The following SPATA6L variants were observed in gnomAD, a reference collection of about 807,000 sequenced individuals.
SPATA6L encodes the protein spermatogenesis associated 6-like protein.
A neutral mutation model predicts 49.2 loss-of-function variants in SPATA6L; 68 were observed. The observed-to-expected ratio is 1.38, with a 90% confidence interval of 1.14 to 1.69. The LOEUF is 1.69. Among genes scored for constraint, SPATA6L ranks in the 40% most tolerant of loss-of-function variants. SPATA6L has a pLI of 0.00. For missense variants in SPATA6L, 668 were observed against 464.3 expected, an observed-to-expected ratio of 1.44 and a Z score of -4.03; for synonymous variants, 198 against 165.7, an observed-to-expected ratio of 1.19 and a Z score of -1.50.
At chr9:4,648,128 C>A (rs1431928159) in intron 3 of SPATA6L, among the ~76,000 whole-genome samples, 4 of 152,098 alleles carry the variant, frequency 2.6e-5, no homozygotes, top group African/African-American at 9.7e-5. Context: ...AGCCACTGTG[C>A]CCAGCCATGA....
chr9:4,636,763 G>A (rs114190241), intron 3 of SPATA6L, among the ~76,000 whole-genome samples: 1,531 of 152,202 alleles, frequency 0.01, 26 homozygotes, highest in African/African-American at 0.034. Flanking sequence ...CAGTTCTACC[G>A]AGGAAAGAAT....
intron 3 of SPATA6L, among the ~76,000 whole-genome samples, chr9:4,647,834 A>AG (rs367927683): frequency 1.3e-4 from 11 of 83,918 alleles, no homozygotes; most frequent in South Asian, 3.3e-4. Context: ...AAAACATTTT[A>AG]GTTTTTTTTT....
intron 1 of SPATA6L, chr9:4,663,159 G>A (rs760798628): frequency 1.2e-6 from 2 of 1,614,150 alleles, no homozygotes; most frequent in Admixed American, 1.7e-5. Flanking sequence ...CACCGACGTA[G>A]CTTTTGGCTT....
intron 13 of SPATA6L, among the ~76,000 whole-genome samples, chr9:4,590,803 G>A (rs947609725): frequency 6.6e-6 from 1 of 152,172 alleles, no homozygotes; most frequent in Non-Finnish European, 1.5e-5. Flanking sequence ...CAACTAAACT[G>A]AGCAGTAGTG....
chr9:4,609,299 G>A (rs904983171), intron 9 of SPATA6L, among the ~76,000 whole-genome samples: 1 of 151,624 alleles, frequency 6.6e-6, no homozygotes, highest in Non-Finnish European at 1.5e-5. Context: ...CATTTTATGA[G>A]GCCAGCATCA....
rs576573079 is a variant in SPATA6L at position 4,635,351 on chromosome 9, A to T, written c.275T>A (p.Phe92Tyr). 11 of 1,589,824 alleles carry T rather than the reference A, an allele frequency of 6.9e-6. No individual in the cohort carries two copies. In the East Asian group the frequency reaches 2.4e-4, roughly 34 times the overall value. ...CGAAGGTGTCAGCTTGGGCTCTGGG[A>T]AAAGAAAATCTCGTGTGTTTTCTTC... ...YYEENTRDFL[F>Y]PEPKLTPSHP... is the part of the protein sequence containing the mutation. The change falls in exon 4 of 12, where the codon TTC becomes TAC. Residue 92 changes from phenylalanine (F) to tyrosine (Y), a missense_variant. Physicochemically the swap from Phe to Tyr is conservative, Grantham distance 22 (BLOSUM62 3). Coordinates refer to ENST00000682582, the MANE Select transcript of SPATA6L (RefSeq NM_001353486.2).
At chr9:4,665,940 G>A (rs936608223) in intron 1 of SPATA6L, among the ~76,000 whole-genome samples, 13 of 151,802 alleles carry the variant, frequency 8.6e-5, no homozygotes, top group Non-Finnish European at 1.5e-4. Context: ...ATGCAGGGTT[G>A]TTTGAAAAGA....
chr9:4,660,858 A>G (rs1418284431), intron 2 of SPATA6L, among the ~76,000 whole-genome samples: 1 of 152,260 alleles, frequency 6.6e-6, no homozygotes, highest in African/African-American at 2.4e-5. Flanking sequence ...GCCATAAAAA[A>G]GGATGAGTTC....
intron 13 of SPATA6L, among the ~76,000 whole-genome samples, chr9:4,593,110 C>G (rs1048644756): frequency 6.6e-5 from 10 of 152,132 alleles, no homozygotes; most frequent in South Asian, 2.1e-4. Flanking sequence ...GTACTTTGCC[C>G]AAGTTCACAG....
rs1409832784 is a variant in SPATA6L, at chr9:4,645,586, C to T, written c.227-10187G>A. On this transcript the variant is annotated intron_variant, in intron 3 of 11. Coordinates refer to ENST00000682582, the MANE Select transcript of SPATA6L (RefSeq NM_001353486.2). ...CACGATAACCCATCAGTACATTAAT[C>T]CATGAATAGATTAACCCATTCACAA... Among the ~76,000 whole-genome samples, 8 of 152,250 alleles carry T rather than the reference C, an allele frequency of 5.3e-5. 1 individual carries two copies. The East Asian group carries it at 1.3e-3, about 26-fold the overall frequency.
chr9:4,659,991 A>C (rs1173889436), intron 2 of SPATA6L, among the ~76,000 whole-genome samples: 1 of 152,246 alleles, frequency 6.6e-6, no homozygotes, highest in Non-Finnish European at 1.5e-5. Flanking sequence ...AGAAAGCTGA[A>C]ACTGGATCCT....
intron 3 of SPATA6L, among the ~76,000 whole-genome samples, chr9:4,652,814 C>T (rs1449860645): frequency 7.0e-6 from 1 of 142,538 alleles, no homozygotes; most frequent in Admixed American, 7.3e-5. Flanking sequence ...GCACTCCAGC[C>T]TAGGCAACAA....
chr9:4,599,309 T>C lies in SPATA6L; in HGVS notation c.*1502A>G, dbSNP rs558759033. Among the ~76,000 whole-genome samples, 2 of 152,250 alleles carry C rather than the reference T, an allele frequency of 1.3e-5. No individual in the cohort carries two copies. Among genetic ancestry groups the C allele is most frequent in the African/African-American group, 4.8e-5 (2 of 41,468 alleles). On this transcript the variant is annotated 3_prime_UTR_variant, in exon 12 of 12. Transcript: ENST00000682582. ...GGTTCAACTTGGATATACCTTTATT[T>C]GGCTGAAATTCTAAGAAGAGGATAA... is the stretch of plus-strand genomic sequence containing the variant.
chr9:4,655,556 T>G (rs76989416), intron 3 of SPATA6L, among the ~76,000 whole-genome samples: 2,874 of 127,228 alleles, frequency 0.023, 92 homozygotes, highest in African/African-American at 0.1. Flanking sequence ...TTTTTTGTTG[T>G]TTTTTTTTTT....
intron 6 of SPATA6L, among the ~76,000 whole-genome samples, chr9:4,624,037 A>G (rs886238917): frequency 6.6e-6 from 1 of 152,230 alleles, no homozygotes; most frequent in African/African-American, 2.4e-5. Flanking sequence ...TTATCTCAAC[A>G]GCACCTTCAC....
intron 2 of SPATA6L, among the ~76,000 whole-genome samples, chr9:4,659,020 G>C (rs73395749): frequency 0.049 from 7,408 of 151,528 alleles, 393 homozygotes; most frequent in African/African-American, 0.12. Context: ...AAAATTATTG[G>C]GATGGGGGAA....
intron 9 of SPATA6L, among the ~76,000 whole-genome samples, chr9:4,606,823 G>T (rs1388331004): frequency 4.7e-5 from 7 of 148,224 alleles, no homozygotes; most frequent in East Asian, 3.9e-4. Flanking sequence ...AGAGAAGAAG[G>T]CTTCAGACGA....
chr9:4,644,756 A>G (rs1834965148), intron 3 of SPATA6L, among the ~76,000 whole-genome samples: 1 of 151,864 alleles, frequency 6.6e-6, no homozygotes, highest in Non-Finnish European at 1.5e-5. Flanking sequence ...ATCACCAGAT[A>G]GCTATACTGA....
chr9:4,608,758 A>C (rs1825941977), intron 9 of SPATA6L, among the ~76,000 whole-genome samples: 1 of 151,876 alleles, frequency 6.6e-6, no homozygotes, highest in Non-Finnish European at 1.5e-5. Flanking sequence ...GAGCAAACAC[A>C]TCCAAAAGCT....
Sources: allele counts gnomAD v4.1 joint callset (sites outside exome capture counted in the v4.1 genomes callset), GRCh38; gene constraint gnomAD v4.1.1; transcripts MANE v1.5; gene names NCBI Gene and HGNC (gene_info 2026-07-23, HGNC 2026-07-21).